Variants in LTBP1 observed in about 807,000 individuals in gnomAD.
LTBP1 encodes latent transforming growth factor beta binding protein 1.
LTBP1 carries 129 observed loss-of-function variants against 207.6 expected under a neutral mutation model. The observed-to-expected ratio is 0.62, with a 90% CI of 0.54 to 0.72. The LOEUF is 0.72. Ranked by LOEUF, LTBP1 falls within the 30% of genes least tolerant of loss-of-function variation. The pLI, the probability that LTBP1 is intolerant of heterozygous loss-of-function variation, is 0.00. For missense variants in LTBP1, 2,281 were observed against 2,217.2 expected (o/e 1.03, Z -0.58); for synonymous variants, 963 against 833.7 (o/e 1.16, Z -2.67).
intron 24 of LTBP1, among the ~76,000 whole-genome samples, chr2:33,316,182 G>GACCTATTATAGCTAGCTAAATGGAGGA (rs140683616): frequency 3.9e-5 from 6 of 151,980 alleles, no homozygotes; most frequent in Non-Finnish European, 7.4e-5. Flanking sequence ...TGTTCTTGAT[G>GACCTATTATAGCTAGCTAAATGGAGGA]ATAATTTACC....
chr2:33,161,436 T>C (rs1156804538), intron 5 of LTBP1, among the ~76,000 whole-genome samples: 1 of 151,992 alleles, frequency 6.6e-6, no homozygotes, highest in Non-Finnish European at 1.5e-5. Flanking sequence ...CCAGCTAATT[T>C]TTTTGTATTT....
At chr2:33,334,315 T>A (rs2094530542) in intron 24 of LTBP1, among the ~76,000 whole-genome samples, 2 of 152,252 alleles carry the variant, frequency 1.3e-5, no homozygotes, top group African/African-American at 4.8e-5. Context: ...AAGGCCTCTA[T>A]GCCATTACCC....
Position 33,269,095 on chromosome 2 carries a change from C to T in LTBP1, c.2618-4561C>T, listed in dbSNP as rs537647404. On this transcript the variant is annotated intron_variant, in intron 15 of 33. Coordinates refer to ENST00000404816, the MANE Select transcript of LTBP1 (RefSeq NM_206943.4). Reference sequence around the variant, plus strand: ...TGAAATCATCATGCTTTAGTATTTCCAGACTCCATTCATTCATTCATTCAT... The same window carrying T: ...TGAAATCATCATGCTTTAGTATTTCTAGACTCCATTCATTCATTCATTCAT... Among the ~76,000 whole-genome samples, 210 of 142,102 alleles carry T rather than the reference C, an allele frequency of 1.5e-3. 1 individual carries two copies. Among genetic ancestry groups the T allele is most frequent in the Non-Finnish European group, 2.1e-3 (138 of 65,372 alleles). 93.2% of individuals were successfully genotyped at this position (142,102 alleles called of 152,430 possible).
At chr2:33,199,590 T>C (rs960799940) in intron 7 of LTBP1, among the ~76,000 whole-genome samples, 6 of 152,112 alleles carry the variant, frequency 3.9e-5, no homozygotes, top group East Asian at 1.9e-4. Flanking sequence ...TCTCTCACCA[T>C]TCCTATTCAA....
intron 7 of LTBP1, among the ~76,000 whole-genome samples, chr2:33,191,366 T>G (rs978374922): frequency 2.6e-5 from 4 of 152,214 alleles, no homozygotes; most frequent in Non-Finnish European, 5.9e-5. Context: ...TCTCTGACTT[T>G]TGGTCTAAAA....
intron 3 of LTBP1, among the ~76,000 whole-genome samples, chr2:33,026,480 T>C (rs996619188): frequency 3.9e-5 from 6 of 152,354 alleles, no homozygotes; most frequent in African/African-American, 1.2e-4. Context: ...CGAATGCTTA[T>C]ATTGCAGGAC....
intron 4 of LTBP1, among the ~76,000 whole-genome samples, chr2:33,123,018 G>A (rs1176998162): frequency 6.6e-6 from 1 of 152,116 alleles, no homozygotes; most frequent in Non-Finnish European, 1.5e-5. Flanking sequence ...CTTCTAGAGA[G>A]GGAAAACCCA....
chr2:33,346,572 T>A (rs938169524), intron 25 of LTBP1, among the ~76,000 whole-genome samples: 1 of 151,920 alleles, frequency 6.6e-6, no homozygotes, highest in African/African-American at 2.4e-5. Context: ...TAATCCCAGC[T>A]ACTCAGGAGG....
chr2:33,382,293 C>T (rs1354194289), intron 31 of LTBP1, among the ~76,000 whole-genome samples: 1 of 151,834 alleles, frequency 6.6e-6, no homozygotes, highest in Non-Finnish European at 1.5e-5. Context: ...CGGGGTTTCA[C>T]CATATTGTTC....
chr2:32,974,515 T>C (rs145285007), intron 2 of LTBP1, among the ~76,000 whole-genome samples: 3 of 152,210 alleles, frequency 2.0e-5, no homozygotes, highest in African/African-American at 4.8e-5. Flanking sequence ...CTTGCAAATA[T>C]TTTCTCCCAT....
Position 33,287,167 on chromosome 2 carries a change from T to C in LTBP1, c.3113-5993T>C, listed in dbSNP as rs566882171. Among the ~76,000 whole-genome samples the C allele has an allele frequency of 4.6e-5, 7 of 152,318 alleles. No individual in the cohort carries two copies. The East Asian group carries it at 1.4e-3, about 29-fold the overall frequency. On this transcript the variant is annotated intron_variant, in intron 19 of 33. Coordinates refer to ENST00000404816, the MANE Select transcript of LTBP1 (RefSeq NM_206943.4). ...TGGTTTGTGGGAACATTAATTATTA[T>C]AACAAAATCCTTCTCATTGTATAGT...
At chr2:33,231,914 G>A (rs1437843267) in intron 9 of LTBP1, among the ~76,000 whole-genome samples, 4 of 152,156 alleles carry the variant, frequency 2.6e-5, no homozygotes, top group Non-Finnish European at 5.9e-5. Context: ...ATTTGTTAAA[G>A]AACAGTAAGA....
chr2:33,265,753 A>G (rs1384804193), intron 15 of LTBP1, among the ~76,000 whole-genome samples: 3 of 152,098 alleles, frequency 2.0e-5, no homozygotes, highest in East Asian at 1.9e-4. Flanking sequence ...TTTATTTTCC[A>G]TATTTTCTAA....
chr2:33,176,647 A>G lies in LTBP1; in HGVS notation c.1202-10209A>G, dbSNP rs376524928. Among the ~76,000 whole-genome samples the G allele has an allele frequency of 1.5e-3, 227 of 152,278 alleles. 1 individual carries two copies. Among genetic ancestry groups the G allele is most frequent in the Middle Eastern group, 0.014 (4 of 294 alleles). ...AACAGCCCAGCACTAGATTCTAGAG[A>G]AAGTGGTGAACGAAATAATCTACAG... On this transcript the variant is annotated intron_variant, in intron 5 of 33. Transcript: ENST00000404816.
chr2:33,255,731 G>A (rs937279793), intron 11 of LTBP1, among the ~76,000 whole-genome samples: 3 of 152,200 alleles, frequency 2.0e-5, no homozygotes, highest in Non-Finnish European at 2.9e-5. Context: ...GTGATCCTTA[G>A]AAAAACAGTA....
At chr2:33,041,152 C>T (rs535094829) in intron 3 of LTBP1, among the ~76,000 whole-genome samples, 22 of 152,348 alleles carry the variant, frequency 1.4e-4, no homozygotes, top group Non-Finnish European at 2.5e-4. Flanking sequence ...TACCACCATA[C>T]CACATAGCCC....
chr2:33,379,659 T>C (rs2095190270), intron 31 of LTBP1, among the ~76,000 whole-genome samples: 1 of 152,334 alleles, frequency 6.6e-6, no homozygotes, highest in East Asian at 1.9e-4. Flanking sequence ...TTGAAGTAAA[T>C]GGCAGAATAC....
At chr2:33,106,620 T>C (rs1477206443) in intron 3 of LTBP1, among the ~76,000 whole-genome samples, 2 of 152,158 alleles carry the variant, frequency 1.3e-5, no homozygotes, top group Admixed American at 6.6e-5. Flanking sequence ...TTTTCTTTTT[T>C]TTTTTTCCCT....
chr2:33,049,943 G>A (rs933779683), intron 3 of LTBP1, among the ~76,000 whole-genome samples: 1 of 151,756 alleles, frequency 6.6e-6, no homozygotes, highest in Non-Finnish European at 1.5e-5. Context: ...CTGGGCTCAA[G>A]CGATCCTCCC....
Sources: gnomAD v4.1 joint callset for allele counts (sites outside exome capture counted in the v4.1 genomes callset) on GRCh38, gnomAD v4.1.1 for gene constraint, MANE v1.5 for transcripts, NCBI Gene and HGNC (gene_info 2026-07-23, HGNC 2026-07-21) for gene names.